Variants in DSCAML1 observed in about 807,000 individuals in gnomAD.
DSCAML1 encodes the protein cell adhesion molecule DSCAML1.
In DSCAML1, 38 loss-of-function variants were observed where a neutral mutation model predicts 200.5. The observed-to-expected ratio is 0.19, with a 90% CI of 0.15 to 0.25. The LOEUF is 0.25. Among genes scored for constraint, DSCAML1 ranks in the 10% least tolerant of loss-of-function variants. The pLI, the probability that DSCAML1 is intolerant of heterozygous loss-of-function variation, is 1.00. For synonymous variants in DSCAML1, 1,215 were observed against 1,165.0 expected (o/e 1.04, Z -0.87); for missense variants, 2,223 against 2,858.8 (o/e 0.78, Z 5.07).
intron 1 of DSCAML1, among the ~76,000 whole-genome samples, chr11:117,803,350 TAA>T (rs1247382866): frequency 6.6e-5 from 10 of 152,162 alleles, no homozygotes; most frequent in Non-Finnish European, 1.3e-4. Context: ...AGAAGTAACG[TAA>T]AAAAATTTTT....
At chr11:117,718,237 C>A (rs145428869) in intron 3 of DSCAML1, among the ~76,000 whole-genome samples, 227 of 152,324 alleles carry the variant, frequency 1.5e-3, no homozygotes, top group African/African-American at 4.9e-3. Context: ...CCCCCACCCC[C>A]CTTCCCGAGG....
intron 4 of DSCAML1, among the ~76,000 whole-genome samples, chr11:117,528,450 G>A (rs1171990089): frequency 6.6e-6 from 1 of 152,188 alleles, no homozygotes; most frequent in Non-Finnish European, 1.5e-5. Context: ...GGGGGGACTG[G>A]GTGCTCCTAG....
intron 11 of DSCAML1, among the ~76,000 whole-genome samples, chr11:117,496,936 A>G (rs975556719): frequency 3.3e-5 from 5 of 152,200 alleles, no homozygotes; most frequent in Admixed American, 6.5e-5. Flanking sequence ...TAGGTTTGGG[A>G]TGCGATGTGA....
intron 3 of DSCAML1, among the ~76,000 whole-genome samples, chr11:117,769,552 A>ATATATTATATATATTTTATATATAT (rs71037497): frequency 1.5e-5 from 1 of 67,912 alleles, no homozygotes; most frequent in African/African-American, 9.0e-5. Context: ...TATATTTTAT[A>ATATATTATATATATTTTATATATAT]TATATATTTT....
At position 117,796,980 on chromosome 11, in the gene DSCAML1, C is replaced by A. The variant is rs972508770; in HGVS notation, c.46+54G>T. Reference sequence around the variant, plus strand: ...CCGGGCACCCCGCCTCGCCGCCAGCCGCGCCACCCTGGCCCCGCCGCCTCC... The same window carrying A: ...CCGGGCACCCCGCCTCGCCGCCAGCAGCGCCACCCTGGCCCCGCCGCCTCC... On this transcript the variant is annotated intron_variant, in intron 1 of 32. Transcript: ENST00000651296. 1.0e-4 allele frequency: 130 copies of A among 1,244,454 alleles called. No homozygotes were observed. The African/African-American group carries it at 1.9e-3, about 18-fold the overall frequency. The allele number at this position is 1,244,454 out of a possible 1,614,324, so 77.1% of individuals were successfully genotyped here.
chr11:117,761,598 C>T (rs948892010), intron 3 of DSCAML1, among the ~76,000 whole-genome samples: 5 of 152,230 alleles, frequency 3.3e-5, no homozygotes, highest in South Asian at 4.1e-4. Context: ...TGGCTGGGCA[C>T]GGTGGCTCAT....
chr11:117,622,893 T>A (rs1305054155), intron 3 of DSCAML1, among the ~76,000 whole-genome samples: 1 of 152,242 alleles, frequency 6.6e-6, no homozygotes, highest in Non-Finnish European at 1.5e-5. Flanking sequence ...TAATTATGTT[T>A]ACTGAGTCCA....
chr11:117,565,965 T>C (rs1259738395), intron 3 of DSCAML1, among the ~76,000 whole-genome samples: 1 of 152,224 alleles, frequency 6.6e-6, no homozygotes, highest in Non-Finnish European at 1.5e-5. Flanking sequence ...TCCCTCACTG[T>C]CATCTCCGTG....
rs748255573 is a variant in DSCAML1 at position 117,516,251 on chromosome 11, C to T, written c.1783+216G>A. On this transcript the variant is annotated intron_variant, in intron 8 of 32. Transcript: ENST00000651296. The surrounding 1 kb of genome is among the most constrained non-coding windows in gnomAD (Gnocchi z 5.7). ...GTGTGTGCTGTCTTATTCTGCAGCC[C>T]GAGGAGGACCCCGGATGTAGAGGAG... Among the ~76,000 whole-genome samples the T allele has an allele frequency of 1.3e-4, 20 of 152,198 alleles. No individual in the cohort carries two copies. The highest frequency in any genetic ancestry group is 5.2e-4 in the Admixed American group (8 of 15,282).
intron 21 of DSCAML1, among the ~76,000 whole-genome samples, chr11:117,442,340 A>ATGTGTG (rs759334870): frequency 1.3e-5 from 2 of 150,628 alleles, no homozygotes; most frequent in African/African-American, 4.9e-5. Context: ...TATAGTGTGT[A>ATGTGTG]TGTGTGTGCA....
At chr11:117,758,947 C>A (rs928600748) in intron 3 of DSCAML1, among the ~76,000 whole-genome samples, 1 of 152,166 alleles carries the variant, frequency 6.6e-6, no homozygotes, top group Non-Finnish European at 1.5e-5. Context: ...TTCAGGAGAT[C>A]GTCTGTTACA....
chr11:117,726,237 TTGTG>T (rs921152062), intron 3 of DSCAML1, among the ~76,000 whole-genome samples: 3 of 150,628 alleles, frequency 2.0e-5, no homozygotes, highest in African/African-American at 7.4e-5. Flanking sequence ...TTGAATGAGG[TTGTG>T]TGTGTATCTC....
In DSCAML1 at chr11:117,505,688, C is replaced by T. The variant is rs1237212503; in HGVS notation, c.1828G>A (p.Gly610Ser). ...QPFEFPPASI[G>S]QLLYIPCVVS... ...ACACAGGGAATGTAGAGCAGCTGGC[C>T]GATGGAGGCGGGTGGGAATTCGAAG... is the stretch of plus-strand genomic sequence containing the variant. The change falls in exon 9 of 33, where the codon GGC becomes AGC. Residue 610 changes from glycine (G) to serine (S), a missense_variant. Gly to Ser is a moderately conservative substitution (Grantham distance 56). This residue lies in a region of DSCAML1 where 212 missense variants were observed against 368.0 expected (regional missense o/e 0.58). Transcript: ENST00000651296. This position sits in a 1 kb window ranked among gnomAD's most constrained non-coding sequence, Gnocchi z 6.7. The T allele has an allele frequency of 1.2e-6, 2 of 1,613,168 alleles. No homozygotes were observed. The highest frequency in any genetic ancestry group is 8.5e-7 in the Non-Finnish European group (1 of 1,179,580).
intron 1 of DSCAML1, among the ~76,000 whole-genome samples, chr11:117,792,225 G>C (rs1371526125): frequency 6.6e-6 from 1 of 152,142 alleles, no homozygotes; most frequent in African/African-American, 2.4e-5. Context: ...GGCTCTGGTG[G>C]GCCAGGCCCC....
chr11:117,793,928 G>A (rs2055523318), intron 1 of DSCAML1, among the ~76,000 whole-genome samples: 1 of 152,102 alleles, frequency 6.6e-6, no homozygotes, highest in African/African-American at 2.4e-5. Flanking sequence ...TAGCAACCGG[G>A]GTCTCTCTGC....
At position 117,593,322 on chromosome 11, in the gene DSCAML1, C is replaced by T. The variant is rs951459009; in HGVS notation, c.512-60800G>A. 1.5e-4 allele frequency among the ~76,000 whole-genome samples: 23 copies of T among 152,332 alleles called. No individual in the cohort carries two copies. In the East Asian group the frequency reaches 4.4e-3, roughly 29 times the overall value. ...CTGACCTCTTGCAAAATGGCAGATTCCCCAAAGCAGCCACAGAGCTGCCTC... is the reference window on the plus strand; with the variant it reads ...CTGACCTCTTGCAAAATGGCAGATTTCCCAAAGCAGCCACAGAGCTGCCTC... On this transcript the variant is annotated intron_variant, in intron 3 of 32. Transcript: ENST00000651296.
chr11:117,607,701 C>G (rs1230199870), intron 3 of DSCAML1, among the ~76,000 whole-genome samples: 1 of 152,186 alleles, frequency 6.6e-6, no homozygotes, highest in Non-Finnish European at 1.5e-5. Context: ...TGTGCTGAGA[C>G]TTTGAGTCAC....
intron 3 of DSCAML1, among the ~76,000 whole-genome samples, chr11:117,726,042 C>T (rs1391410950): frequency 6.6e-6 from 1 of 152,142 alleles, no homozygotes; most frequent in Non-Finnish European, 1.5e-5. Context: ...CCAGGCTGGC[C>T]ATCCTCCCTG....
At chr11:117,434,469 G>T (rs115737976) in intron 27 of DSCAML1, among the ~76,000 whole-genome samples, 2,838 of 151,548 alleles carry the variant, frequency 0.019, 100 homozygotes, top group African/African-American at 0.065. Flanking sequence ...TTTCCATCCA[G>T]CCATCCATCC....
Sources: allele counts gnomAD v4.1 joint callset (sites outside exome capture counted in the v4.1 genomes callset), GRCh38; gene constraint gnomAD v4.1.1; regional missense constraint gnomAD v4.1.1; non-coding constraint Gnocchi (gnomAD v3.1); transcripts MANE v1.5; gene names NCBI Gene and HGNC (gene_info 2026-07-23, HGNC 2026-07-21).